The following RPS6KA2 variants were observed in gnomAD, a reference collection of about 807,000 sequenced individuals.
The protein encoded by RPS6KA2 is ribosomal protein S6 kinase alpha-2.
Under a neutral mutation model 91.8 loss-of-function variants are expected in RPS6KA2, and 42 were observed. The observed-to-expected ratio is 0.46, with a 90% CI of 0.36 to 0.59. The LOEUF (loss-of-function observed/expected upper bound fraction) is 0.59, where lower values mean the gene tolerates loss of function less well. Ranked by LOEUF, RPS6KA2 falls within the 20% of genes least tolerant of loss-of-function variation. The pLI is 0.00. For synonymous variants in RPS6KA2, 414 were observed against 393.6 expected, an observed-to-expected ratio of 1.05 and a Z score of -0.61; for missense variants, 798 against 978.5, an observed-to-expected ratio of 0.82 and a Z score of 2.46.
intron 2 of RPS6KA2, among the ~76,000 whole-genome samples, chr6:166,731,984 A>G (rs1220348531): frequency 4.6e-5 from 7 of 152,226 alleles, no homozygotes; most frequent in Non-Finnish European, 1.5e-5. Context: ...CTTTCAAAGT[A>G]CAAAAGTAGA....
chr6:166,630,318 G>A (rs541270306), upstream of RPS6KA2, among the ~76,000 whole-genome samples: 1 of 152,358 alleles, frequency 6.6e-6, no homozygotes, highest in African/African-American at 2.4e-5. Context: ...AATTAGTCAA[G>A]TACCACAAAT....
At chr6:166,652,395 A>G (rs1279921798) in intron 2 of RPS6KA2, among the ~76,000 whole-genome samples, 2 of 152,216 alleles carry the variant, frequency 1.3e-5, no homozygotes, top group Non-Finnish European at 2.9e-5. Flanking sequence ...TCAACACAAG[A>G]TAAATTAACC....
At chr6:166,443,155 G>A (rs1779572905) in intron 14 of RPS6KA2, among the ~76,000 whole-genome samples, 1 of 152,078 alleles carries the variant, frequency 6.6e-6, no homozygotes, top group Non-Finnish European at 1.5e-5. Flanking sequence ...GAAAGAAAAT[G>A]TTACTAAGCA....
At chr6:166,763,523 C>T (rs1320284037) in intron 2 of RPS6KA2, among the ~76,000 whole-genome samples, 1 of 152,168 alleles carries the variant, frequency 6.6e-6, no homozygotes. Flanking sequence ...GTTCACATTG[C>T]AAGGTGCTTA....
chr6:166,723,699 C>CTTTTTTTTTTTTTTTTTTTTTTTT (rs10637819), intron 2 of RPS6KA2, among the ~76,000 whole-genome samples: 1 of 146,224 alleles, frequency 6.8e-6, no homozygotes, highest in African/African-American at 2.7e-5. Flanking sequence ...TTTTTCTTTT[C>CTTTTTTTTTTTTTTTTTTTTTTTT]TTTTCTTTTT....
chr6:166,566,935 G>A (rs1008000259), intron 1 of RPS6KA2, among the ~76,000 whole-genome samples: 3 of 152,188 alleles, frequency 2.0e-5, no homozygotes, highest in African/African-American at 4.8e-5. Context: ...ATTTTCCCTC[G>A]GACACAGTGA....
At chr6:166,774,685 G>A (rs1778566954) in intron 2 of RPS6KA2, among the ~76,000 whole-genome samples, 1 of 152,186 alleles carries the variant, frequency 6.6e-6, no homozygotes, top group Admixed American at 6.5e-5. Flanking sequence ...CTTACACAGG[G>A]GTGGTGGGAG....
At chr6:166,572,045 T>A (rs1260084077) in intron 1 of RPS6KA2, among the ~76,000 whole-genome samples, 2 of 152,208 alleles carry the variant, frequency 1.3e-5, no homozygotes, top group East Asian at 3.8e-4. Context: ...TAATATTTAA[T>A]AACACGAGAA....
chr6:166,813,545 T>C (rs1343869791), intron 2 of RPS6KA2, among the ~76,000 whole-genome samples: 1 of 152,222 alleles, frequency 6.6e-6, no homozygotes, highest in African/African-American at 2.4e-5. Context: ...GCATTCTGGA[T>C]GCTAGAACCC....
intron 2 of RPS6KA2, among the ~76,000 whole-genome samples, chr6:166,689,578 T>G (rs1789138864): frequency 6.6e-6 from 1 of 152,158 alleles, no homozygotes; most frequent in South Asian, 2.1e-4. Flanking sequence ...TTCGTAGGTG[T>G]TGGGCTCTGC....
chr6:166,593,612 G>A (rs747580694), intron 1 of RPS6KA2, among the ~76,000 whole-genome samples: 1 of 151,994 alleles, frequency 6.6e-6, no homozygotes, highest in African/African-American at 2.4e-5. Flanking sequence ...AAATTGACGT[G>A]CGTCAAAACA....
At chr6:166,805,776 C>A (rs938034295) in intron 2 of RPS6KA2, among the ~76,000 whole-genome samples, 9 of 151,812 alleles carry the variant, frequency 5.9e-5, no homozygotes, top group African/African-American at 1.2e-4. Context: ...AAAAATAAAC[C>A]AAAAACTGTC....
chr6:166,544,245 T>C (rs1009536725), intron 1 of RPS6KA2, among the ~76,000 whole-genome samples: 2 of 152,250 alleles, frequency 1.3e-5, no homozygotes, highest in African/African-American at 4.8e-5. Context: ...GCCGCTAGAA[T>C]GGAAGCTCAG....
At chr6:166,450,427 C>T (rs1245979607) in intron 13 of RPS6KA2, among the ~76,000 whole-genome samples, 4 of 148,096 alleles carry the variant, frequency 2.7e-5, no homozygotes, top group African/African-American at 1.0e-4. Flanking sequence ...ACAGGGACCA[C>T]CATGGGGACC....
At position 166,498,600 on chromosome 6, in the gene RPS6KA2, A is replaced by G. The variant is rs1439447338; in HGVS notation, c.655T>C (p.Phe219Leu). ...AIDHDKRAYS[F>L]CGTIEYMAPE... is the part of the protein sequence containing the mutation. Reference sequence around the variant, plus strand: ...GCCATGTACTCGATCGTCCCGCAGAAGGAGTACGCTCTCTTGTCGTGGTCA... The same window carrying G: ...GCCATGTACTCGATCGTCCCGCAGAGGGAGTACGCTCTCTTGTCGTGGTCA... The change falls in exon 8 of 21, where the codon TTC becomes CTC. Residue 219 changes from phenylalanine (F) to leucine (L), a missense_variant. By Grantham distance (22) the Phe-to-Leu change is conservative (BLOSUM62 0). Coordinates refer to ENST00000265678, the MANE Select transcript of RPS6KA2 (RefSeq NM_021135.6). The G allele has an allele frequency of 5.6e-6, 9 of 1,613,856 alleles. No individual in the cohort carries two copies. In the African/African-American group the frequency reaches 1.1e-4, roughly 19 times the overall value.
rs767316268 is a variant in RPS6KA2, at chr6:166,557,347, T to G, written c.100-18563A>C. Among the ~76,000 whole-genome samples the G allele has an allele frequency of 4.3e-4, 65 of 152,372 alleles. No individual in the cohort carries two copies. The Middle Eastern group carries it at 0.014, about 32-fold the overall frequency. ...ACCTAAATCGACATAAACACGGTCC[T>G]GGCCACCACGTCCCCCACAGACTCA... is the stretch of plus-strand genomic sequence containing the variant. On this transcript the variant is annotated intron_variant, in intron 1 of 20. Coordinates refer to ENST00000265678, the MANE Select transcript of RPS6KA2 (RefSeq NM_021135.6). This position sits in a 1 kb window ranked among gnomAD's most constrained non-coding sequence, Gnocchi z 4.8.
intron 14 of RPS6KA2, among the ~76,000 whole-genome samples, chr6:166,439,568 TG>T (rs1189981914): frequency 6.6e-6 from 1 of 152,214 alleles, no homozygotes; most frequent in Non-Finnish European, 1.5e-5. Flanking sequence ...AAGCCTTTGT[TG>T]CCCTGGAGTG....
chr6:166,650,369 C>T (rs1787813627), intron 2 of RPS6KA2, among the ~76,000 whole-genome samples: 1 of 151,672 alleles, frequency 6.6e-6, no homozygotes, highest in Non-Finnish European at 1.5e-5. Flanking sequence ...GGGGCATTCT[C>T]CAGCTGTCTA....
rs1043038365 is a variant in RPS6KA2 at position 166,586,391 on chromosome 6, G to A, written c.99+40530C>T. On this transcript the variant is annotated intron_variant, in intron 1 of 20. Transcript: ENST00000265678. ...GAGGAGACTCAGGAGGGCGTTTCAGGTATTCCTGATACTCCTTGTCATTTT... is the reference window on the plus strand; with the variant it reads ...GAGGAGACTCAGGAGGGCGTTTCAGATATTCCTGATACTCCTTGTCATTTT... 8.8e-6 allele frequency: 14 copies of A among 1,599,652 alleles called. No homozygotes were observed. The Admixed American group carries it at 2.2e-4, about 25-fold the overall frequency.
Sources: allele counts gnomAD v4.1 joint callset (sites outside exome capture counted in the v4.1 genomes callset), GRCh38; gene constraint gnomAD v4.1.1; non-coding constraint Gnocchi (gnomAD v3.1); transcripts MANE v1.5; gene names NCBI Gene and HGNC (gene_info 2026-07-23, HGNC 2026-07-21).